Variants in PPP2R5E observed in about 807,000 individuals in gnomAD.
PPP2R5E encodes protein phosphatase 2 regulatory subunit B'epsilon.
A neutral mutation model predicts 65.3 loss-of-function variants in PPP2R5E; 4 were observed. The observed-to-expected ratio is 0.06, with a 90% confidence interval of 0.03 to 0.14. The LOEUF (loss-of-function observed/expected upper bound fraction) is 0.14. Among genes scored for constraint, PPP2R5E ranks in the 10% least tolerant of loss-of-function variants. The probability of loss-of-function intolerance (pLI) is 1.00; values close to 1 mark genes in which losing one functional copy is unlikely to be tolerated. For missense variants in PPP2R5E, 274 were observed against 556.1 expected (o/e 0.49, Z 5.10); for synonymous variants, 183 against 187.4 (o/e 0.98, Z 0.19).
chr14:63,475,181 G>C (rs1890346045), intron 2 of PPP2R5E, among the ~76,000 whole-genome samples: 1 of 152,152 alleles, frequency 6.6e-6, no homozygotes, highest in African/African-American at 2.4e-5. Context: ...ATCTATTCCT[G>C]CCTTCGTCAA....
intron 3 of PPP2R5E, among the ~76,000 whole-genome samples, chr14:63,444,368 T>C (rs1888377410): frequency 6.6e-6 from 1 of 152,208 alleles, no homozygotes; most frequent in South Asian, 2.1e-4. Flanking sequence ...TACTCCTTCC[T>C]TGCCTTGTAC....
chr14:63,482,057 A>T (rs972332278), intron 2 of PPP2R5E, among the ~76,000 whole-genome samples: 1 of 152,272 alleles, frequency 6.6e-6, no homozygotes, highest in Non-Finnish European at 1.5e-5. Context: ...CCTAGAAATT[A>T]CACGTTATGC....
chr14:63,412,577 G>A (rs560886642), intron 5 of PPP2R5E, among the ~76,000 whole-genome samples: 3 of 152,304 alleles, frequency 2.0e-5, no homozygotes, highest in African/African-American at 7.2e-5. Context: ...TTGACAGAAC[G>A]AAGAACTCGG....
intron 8 of PPP2R5E, among the ~76,000 whole-genome samples, chr14:63,392,459 T>C (rs2139782466): frequency 6.6e-6 from 1 of 152,326 alleles, no homozygotes; most frequent in Admixed American, 6.5e-5. Flanking sequence ...CTTTGCCAAT[T>C]GCCTGAAATG....
chr14:63,504,146 A>C (rs1388983501), intron 2 of PPP2R5E, among the ~76,000 whole-genome samples: 1 of 152,228 alleles, frequency 6.6e-6, no homozygotes, highest in Non-Finnish European at 1.5e-5. Context: ...GTAACACCTG[A>C]GTAGCCACTT....
At chr14:63,538,848 G>A (rs1462637520) in intron 2 of PPP2R5E, among the ~76,000 whole-genome samples, 1 of 151,772 alleles carries the variant, frequency 6.6e-6, no homozygotes. Flanking sequence ...GGGAAGCTGA[G>A]GCAGGAAAAT....
chr14:63,443,612 T>C (rs3783743), intron 3 of PPP2R5E, among the ~76,000 whole-genome samples: 43,081 of 151,892 alleles, frequency 0.28, 7,329 homozygotes, highest in African/African-American at 0.47. Flanking sequence ...ATTGTTCTTT[T>C]CCTCCCCTGC....
chr14:63,538,403 G>A (rs1893760589), intron 2 of PPP2R5E, among the ~76,000 whole-genome samples: 1 of 151,768 alleles, frequency 6.6e-6, no homozygotes, highest in Admixed American at 6.6e-5. Flanking sequence ...GGGATTACAG[G>A]TGCCACCACC....
At chr14:63,515,791 T>C (rs1292414111) in intron 2 of PPP2R5E, among the ~76,000 whole-genome samples, 1 of 151,926 alleles carries the variant, frequency 6.6e-6, no homozygotes, top group Non-Finnish European at 1.5e-5. Context: ...AGTGCTGGGA[T>C]TACAGGTGTG....
rs61756433 is a variant in PPP2R5E at position 63,384,502 on chromosome 14, C to T, written c.1144G>A (p.Val382Ile). 1,099 of 1,613,780 alleles carry T rather than the reference C, an allele frequency of 6.8e-4. 2 individuals are homozygous for T. Among genetic ancestry groups the T allele is most frequent in the Non-Finnish European group, 8.6e-4 (1,013 of 1,179,852 alleles). Residue 382 changes from valine (V) to isoleucine (I), a missense_variant, in exon 12 of 14, where the codon GTC becomes ATC. By Grantham distance (29) the Val-to-Ile change is conservative. Around this residue, in one of 6 missense-constraint regions of PPP2R5E, gnomAD observed 129 missense variants for 254.9 expected, o/e 0.51. Transcript: ENST00000337537. Reference protein sequence around the residue: ...IMSLIEENSNVILPIMFSSLY... With the variant: ...IMSLIEENSNIILPIMFSSLY... ...CTGGAAAACATGATGGGAAGGATGA[C>T]GTTAGAGTTTTCTTCTATCAAACTC...
chr14:63,429,961 G>A (rs74336571), intron 3 of PPP2R5E, among the ~76,000 whole-genome samples: 3,570 of 152,176 alleles, frequency 0.023, 148 homozygotes, highest in African/African-American at 0.082. Context: ...CGGGATTACA[G>A]GCGTGAGCCC....
chr14:63,515,995 G>A (rs772287572), intron 2 of PPP2R5E, among the ~76,000 whole-genome samples: 19 of 151,002 alleles, frequency 1.3e-4, no homozygotes, highest in Admixed American at 4.6e-4. Flanking sequence ...GACTATAAGC[G>A]CCCGCCACCA....
chr14:63,439,186 A>G (rs1888082991), intron 3 of PPP2R5E, among the ~76,000 whole-genome samples: 1 of 152,214 alleles, frequency 6.6e-6, no homozygotes, highest in Non-Finnish European at 1.5e-5. Flanking sequence ...ATGAATAATG[A>G]TAATAATGAT....
chr14:63,533,430 G>A (rs567819796), intron 2 of PPP2R5E, among the ~76,000 whole-genome samples: 7 of 151,786 alleles, frequency 4.6e-5, no homozygotes, highest in Non-Finnish European at 1.0e-4. Context: ...GCATGGAGGC[G>A]CATGCCTGTA....
chr14:63,404,022 T>G lies in PPP2R5E; in HGVS notation c.550-7306A>C, dbSNP rs200461794. ...AAAATAGCAGTATAAGCATGCTGTT[T>G]AGAAATATGGAAATAAATATACAGA... On this transcript the variant is annotated intron_variant, in intron 5 of 13. Transcript: ENST00000337537. 1.2e-4 allele frequency among the ~76,000 whole-genome samples: 19 copies of G among 152,316 alleles called. No homozygotes were observed. In the East Asian group the frequency reaches 1.9e-3, roughly 15 times the overall value.
At chr14:63,423,169 A>C (rs564146407) in intron 3 of PPP2R5E, among the ~76,000 whole-genome samples, 123 of 152,298 alleles carry the variant, frequency 8.1e-4, no homozygotes, top group Non-Finnish European at 1.5e-3. Flanking sequence ...ATCTTGGCTC[A>C]CTGCAACCTC....
intron 2 of PPP2R5E, among the ~76,000 whole-genome samples, chr14:63,522,337 C>A (rs1892954294): frequency 6.6e-6 from 1 of 151,584 alleles, no homozygotes; most frequent in South Asian, 2.1e-4. Flanking sequence ...CCCAAAGTGC[C>A]GAGATTGCAG....
intron 3 of PPP2R5E, among the ~76,000 whole-genome samples, chr14:63,446,071 G>A (rs1888460134): frequency 6.6e-6 from 1 of 152,182 alleles, no homozygotes; most frequent in Non-Finnish European, 1.5e-5. Context: ...ATTTTCAGGA[G>A]TTGATTCCCT....
chr14:63,449,616 T>A (rs1273453448), intron 3 of PPP2R5E, among the ~76,000 whole-genome samples: 1 of 152,054 alleles, frequency 6.6e-6, no homozygotes, highest in Non-Finnish European at 1.5e-5. Context: ...ATGGACTGTA[T>A]ATGTATGTAT....
Sources: gnomAD v4.1 joint callset for allele counts (sites outside exome capture counted in the v4.1 genomes callset) on GRCh38, gnomAD v4.1.1 for gene constraint, gnomAD v4.1.1 regional missense constraint, MANE v1.5 for transcripts, NCBI Gene and HGNC (gene_info 2026-07-23, HGNC 2026-07-21) for gene names.